Variants in SPIRE1 observed in about 807,000 individuals in gnomAD.
SPIRE1 encodes spire type actin nucleation factor 1.
A neutral mutation model predicts 94.1 loss-of-function variants in SPIRE1; 40 were observed. The observed-to-expected ratio is 0.43, with a 90% confidence interval of 0.33 to 0.55. The LOEUF (loss-of-function observed/expected upper bound fraction) is 0.55, where lower values mean the gene tolerates loss of function less well. Among genes scored for constraint, SPIRE1 ranks in the 20% least tolerant of loss-of-function variants. SPIRE1 has a pLI of 0.06. For missense variants in SPIRE1, 838 were observed against 975.2 expected, an observed-to-expected ratio of 0.86 and a Z score of 1.87; for synonymous variants, 376 against 371.7, an observed-to-expected ratio of 1.01 and a Z score of -0.13.
At chr18:12,542,424 A>C (rs1158917326) in intron 3 of SPIRE1, among the ~76,000 whole-genome samples, 2 of 152,198 alleles carry the variant, frequency 1.3e-5, no homozygotes, top group Non-Finnish European at 2.9e-5. Context: ...AGCAGTATAA[A>C]TTTAGACCAT....
chr18:12,622,419 G>GTTT (rs1598546094), intron 2 of SPIRE1, among the ~76,000 whole-genome samples: 4 of 91,830 alleles, frequency 4.4e-5, no homozygotes, highest in African/African-American at 6.6e-5. Flanking sequence ...GCTATGTCCA[G>GTTT]TCTTTTTTTT....
chr18:12,578,239 C>A (rs998653145), intron 2 of SPIRE1, among the ~76,000 whole-genome samples: 7 of 152,178 alleles, frequency 4.6e-5, no homozygotes, highest in Admixed American at 2.0e-4. Context: ...CATAAAAAGA[C>A]TCATACCTAA....
chr18:12,655,026 CAA>C (rs71371285), intron 1 of SPIRE1, among the ~76,000 whole-genome samples: 2 of 137,660 alleles, frequency 1.5e-5, no homozygotes, highest in African/African-American at 2.7e-5. Flanking sequence ...GACTCCATCT[CAA>C]AAAAAAAAAG....
At chr18:12,542,194 C>T (rs1005110540) in intron 3 of SPIRE1, among the ~76,000 whole-genome samples, 4 of 152,012 alleles carry the variant, frequency 2.6e-5, no homozygotes, top group Non-Finnish European at 4.4e-5. Context: ...AGTCAGGTCT[C>T]GAACTCCTGA....
chr18:12,548,343 CAA>C (rs1448987647), intron 2 of SPIRE1, among the ~76,000 whole-genome samples: 1 of 152,138 alleles, frequency 6.6e-6, no homozygotes, highest in African/African-American at 2.4e-5. Context: ...GAGTTAAATA[CAA>C]GAGAGTCATT....
At chr18:12,561,260 A>G (rs1017250676) in intron 2 of SPIRE1, among the ~76,000 whole-genome samples, 2 of 149,732 alleles carry the variant, frequency 1.3e-5, no homozygotes, top group African/African-American at 4.9e-5. Flanking sequence ...ACAAACTAGA[A>G]TAGATCAATT....
At chr18:12,460,511 G>C (rs371642633) in intron 12 of SPIRE1, among the ~76,000 whole-genome samples, 1 of 152,128 alleles carries the variant, frequency 6.6e-6, no homozygotes, top group Non-Finnish European at 1.5e-5. Flanking sequence ...TCAGGAGTTC[G>C]AGACCAGCCT....
At chr18:12,548,723 C>T (rs970400196) in intron 2 of SPIRE1, among the ~76,000 whole-genome samples, 8 of 151,836 alleles carry the variant, frequency 5.3e-5, no homozygotes, top group African/African-American at 1.9e-4. Flanking sequence ...GATGATCCTC[C>T]CACCTTAGCC....
intron 5 of SPIRE1, among the ~76,000 whole-genome samples, chr18:12,507,526 C>G (rs915505547): frequency 4.0e-5 from 6 of 151,896 alleles, no homozygotes; most frequent in African/African-American, 1.5e-4. Flanking sequence ...TGGTGAAACC[C>G]TGTCTCTACT....
intron 4 of SPIRE1, among the ~76,000 whole-genome samples, chr18:12,530,353 G>A (rs538203269): frequency 7.9e-5 from 12 of 152,222 alleles, no homozygotes; most frequent in Non-Finnish European, 1.6e-4. Context: ...AGCTTAACAT[G>A]TCTTGCCTCC....
intron 6 of SPIRE1, among the ~76,000 whole-genome samples, chr18:12,501,090 A>AG (rs2033647755): frequency 6.8e-6 from 1 of 147,674 alleles, no homozygotes; most frequent in South Asian, 2.1e-4. Flanking sequence ...AAAAAAAAAA[A>AG]AAAAAGAAAA....
intron 2 of SPIRE1, among the ~76,000 whole-genome samples, chr18:12,572,693 C>G (rs1341955521): frequency 6.6e-6 from 1 of 152,088 alleles, no homozygotes; most frequent in Non-Finnish European, 1.5e-5. Context: ...TAAAATAGAT[C>G]AATGGGACAG....
chr18:12,530,978 ACTGACTTT>A (rs1232788358), intron 4 of SPIRE1, among the ~76,000 whole-genome samples: 7 of 152,224 alleles, frequency 4.6e-5, no homozygotes, highest in Non-Finnish European at 1.0e-4. Flanking sequence ...AAAAAAATCA[ACTGACTTT>A]CTAGTCTTAA....
At chr18:12,636,717 T>C (rs779268709) in intron 1 of SPIRE1, among the ~76,000 whole-genome samples, 7 of 152,288 alleles carry the variant, frequency 4.6e-5, no homozygotes, top group Admixed American at 3.3e-4. Flanking sequence ...TAAGGGTTTA[T>C]ATAATAGGGT....
intron 2 of SPIRE1, among the ~76,000 whole-genome samples, chr18:12,551,388 T>C (rs2035343673): frequency 6.6e-6 from 1 of 152,158 alleles, no homozygotes; most frequent in Non-Finnish European, 1.5e-5. Context: ...TTCAAAAACT[T>C]ATAGAATTGT....
rs537928120 is a variant in SPIRE1, at chr18:12,479,131, A to ATG, written c.1404+566_1404+567dup. On this transcript the variant is annotated intron_variant, in intron 10 of 16. Transcript: ENST00000409402. ...CCACATATAATTTAAGACTACATAT[A>ATG]TGTGTGTGTGTGTGTATACATATAT... is the stretch of plus-strand genomic sequence containing the variant. Among the ~76,000 whole-genome samples the ATG allele has an allele frequency of 6.9e-3, 1,003 of 146,060 alleles. 6 individuals are homozygous for ATG. Among genetic ancestry groups the ATG allele is most frequent in the African/African-American group, 0.019 (738 of 39,808 alleles).
At chr18:12,520,535 C>T (rs2034329793) in intron 4 of SPIRE1, among the ~76,000 whole-genome samples, 1 of 152,024 alleles carries the variant, frequency 6.6e-6, no homozygotes, top group Admixed American at 6.6e-5. Context: ...CACCAGTGCT[C>T]GGCATGTTAC....
chr18:12,485,830 C>T, intron 9 of SPIRE1, 129 bp downstream of exon 9: 1 of 677,126 alleles, frequency 1.5e-6, no homozygotes, highest in Admixed American at 3.1e-5. Flanking sequence ...TTTTATTTTA[C>T]TGACCACGGC....
At chr18:12,514,739 A>G (rs910981682) in intron 4 of SPIRE1, among the ~76,000 whole-genome samples, 5 of 152,212 alleles carry the variant, frequency 3.3e-5, no homozygotes, top group East Asian at 1.9e-4. Context: ...ACACAGAAAC[A>G]CATGCTCTGC....
Sources: gnomAD v4.1 joint callset for allele counts (sites outside exome capture counted in the v4.1 genomes callset) on GRCh38, gnomAD v4.1.1 for gene constraint, MANE v1.5 for transcripts, NCBI Gene and HGNC (gene_info 2026-07-23, HGNC 2026-07-21) for gene names.